The following CYP2J2 variants were observed in gnomAD, a reference collection of about 807,000 sequenced individuals.
The protein encoded by CYP2J2 is cytochrome P450 family 2 subfamily J member 2.
CYP2J2 carries 41 observed loss-of-function variants against 48.8 expected under a neutral mutation model. That is an observed-to-expected ratio of 0.84 (90% CI 0.66 to 1.09). The LOEUF is 1.09. CYP2J2 is among the 50% of genes least tolerant of loss of function. The probability of loss-of-function intolerance (pLI) is 0.00; values close to 1 mark genes in which losing one functional copy is unlikely to be tolerated. For missense variants in CYP2J2, 644 were observed against 617.3 expected, an observed-to-expected ratio of 1.04 and a Z score of -0.46; for synonymous variants, 221 against 227.1, an observed-to-expected ratio of 0.97 and a Z score of 0.24.
chr1:59,961,025 A>C, the CYP2J2 span, among the ~76,000 whole-genome samples: 1 of 152,190 alleles, frequency 6.6e-6, no homozygotes, highest in Non-Finnish European at 1.5e-5. Context: ...AGGTGCTAAA[A>C]TGATAAAACT....
chr1:59,909,627 CT>C (rs1377950511), intron 5 of CYP2J2, among the ~76,000 whole-genome samples, 156 bp downstream of exon 5: 2 of 152,210 alleles, frequency 1.3e-5, no homozygotes, highest in Non-Finnish European at 2.9e-5. Flanking sequence ...CCCAGTGAAG[CT>C]GATTTCATAC....
chr1:59,900,900 G>A (rs1400162713), intron 8 of CYP2J2, 65 bp downstream of exon 8: 3 of 1,553,678 alleles, frequency 1.9e-6, no homozygotes, highest in African/African-American at 1.4e-5. Flanking sequence ...GGGAAAACAG[G>A]AGAGAGCAGG....
At chr1:59,915,829 TG>T in intron 2 of CYP2J2, 108 bp downstream of exon 2, 1 of 1,038,318 alleles carries the variant, frequency 9.6e-7, no homozygotes, top group African/African-American at 1.6e-5. Context: ...AAGTTTATTA[TG>T]GGGCTGGTTT....
intron 8 of CYP2J2, among the ~76,000 whole-genome samples, chr1:59,896,629 C>T (rs371950420): frequency 6.6e-6 from 1 of 152,150 alleles, no homozygotes; most frequent in South Asian, 2.1e-4. Flanking sequence ...GCTTCCACCA[C>T]CCCCTCCCCT....
At chr1:59,916,893 T>C (rs963692389) in intron 1 of CYP2J2, among the ~76,000 whole-genome samples, 2 of 152,118 alleles carry the variant, frequency 1.3e-5, no homozygotes, top group African/African-American at 4.8e-5. Context: ...GTACCAAGTA[T>C]GGACTTCTTA....
chr1:59,960,807 C>T, the CYP2J2 span, among the ~76,000 whole-genome samples: 1 of 152,164 alleles, frequency 6.6e-6, no homozygotes, highest in Non-Finnish European at 1.5e-5. Context: ...TGTGCCACTG[C>T]ACTCCAGCCT....
chr1:59,897,162 T>A (rs1003200986), intron 8 of CYP2J2, among the ~76,000 whole-genome samples: 1 of 152,226 alleles, frequency 6.6e-6, no homozygotes, highest in African/African-American at 2.4e-5. Context: ...CACCTTTATC[T>A]CTTTATCCAT....
chr1:59,899,953 C>G (rs1644302488), intron 8 of CYP2J2, among the ~76,000 whole-genome samples: 1 of 152,052 alleles, frequency 6.6e-6, no homozygotes, highest in South Asian at 2.1e-4. Flanking sequence ...AACTCAAAAC[C>G]TGGAACATAT....
the CYP2J2 span, among the ~76,000 whole-genome samples, chr1:59,954,998 T>C: frequency 5.9e-4 from 90 of 151,514 alleles, no homozygotes; most frequent in Non-Finnish European, 7.7e-4. Context: ...ATTAGTTGGG[T>C]GTGGTGACAT....
At chr1:59,921,764 G>A (rs1644517549) in intron 1 of CYP2J2, among the ~76,000 whole-genome samples, 1 of 152,038 alleles carries the variant, frequency 6.6e-6, no homozygotes, top group African/African-American at 2.4e-5. Flanking sequence ...ACCTAGAAGA[G>A]CCATGGCAAG....
At chr1:59,920,722 G>A (rs749946897) in intron 1 of CYP2J2, among the ~76,000 whole-genome samples, 10 of 152,128 alleles carry the variant, frequency 6.6e-5, no homozygotes, top group Non-Finnish European at 1.0e-4. Flanking sequence ...GTGCTTAAGA[G>A]TTTGGATTTT....
intron 1 of CYP2J2, among the ~76,000 whole-genome samples, chr1:59,923,617 A>G (rs1365751909): frequency 1.3e-5 from 2 of 152,212 alleles, no homozygotes. Flanking sequence ...ATAAAGAAGA[A>G]CCAAGTGAAA....
At chr1:59,912,084 C>A in intron 3 of CYP2J2, 78 bp downstream of exon 3, 1 of 1,409,426 alleles carries the variant, frequency 7.1e-7, no homozygotes, top group Non-Finnish European at 9.6e-7. Flanking sequence ...ATAGAACAAG[C>A]ACTTACTCAC....
chr1:59,954,912 G>T, the CYP2J2 span, among the ~76,000 whole-genome samples: 62 of 151,946 alleles, frequency 4.1e-4, 1 homozygote, highest in East Asian at 0.012. Flanking sequence ...TGAGGTGGGC[G>T]GATCACTTGA....
the CYP2J2 span, among the ~76,000 whole-genome samples, chr1:59,958,654 C>T: frequency 2.0e-5 from 3 of 152,174 alleles, no homozygotes; most frequent in African/African-American, 4.8e-5. Flanking sequence ...AACTTACTCT[C>T]TTTTTTTCCA....
chr1:59,968,504 C>G, the CYP2J2 span, among the ~76,000 whole-genome samples: 1 of 151,950 alleles, frequency 6.6e-6, no homozygotes, highest in East Asian at 2.0e-4. Context: ...GGTGGGCACA[C>G]AGCCTGAACA....
At position 59,919,148 on chromosome 1, in the gene CYP2J2, C is replaced by T. The variant is rs539769837; in HGVS notation, c.211-3048G>A. ...GTGCCTCTGTGAGTGTGTGTGACAGCGAGAGAGAGAGAGAGATCCTAAGAG... is the reference window on the plus strand; with the variant it reads ...GTGCCTCTGTGAGTGTGTGTGACAGTGAGAGAGAGAGAGAGATCCTAAGAG... On this transcript the variant is annotated intron_variant, in intron 1 of 8. Coordinates refer to ENST00000371204, the MANE Select transcript of CYP2J2 (RefSeq NM_000775.4). Among the ~76,000 whole-genome samples the T allele has an allele frequency of 7.3e-4, 110 of 150,460 alleles. No homozygotes were observed. The Middle Eastern group carries it at 0.01, about 14-fold the overall frequency.
At chr1:59,921,936 C>T (rs1644519423) in intron 1 of CYP2J2, among the ~76,000 whole-genome samples, 1 of 152,100 alleles carries the variant, frequency 6.6e-6, no homozygotes, top group South Asian at 2.1e-4. Flanking sequence ...TACTTCATCC[C>T]CATGTGACCA....
At chr1:59,950,819 A>G in the CYP2J2 span, among the ~76,000 whole-genome samples, 1 of 152,038 alleles carries the variant, frequency 6.6e-6, no homozygotes, top group Non-Finnish European at 1.5e-5. Flanking sequence ...GGGCACCTCA[A>G]TTCTCCTCCA....
Sources: gnomAD v4.1 joint callset for allele counts (sites outside exome capture counted in the v4.1 genomes callset) on GRCh38, gnomAD v4.1.1 for gene constraint, MANE v1.5 for transcripts, NCBI Gene and HGNC (gene_info 2026-07-23, HGNC 2026-07-21) for gene names.